The following FOXN1 variants were observed in gnomAD, a reference collection of about 807,000 sequenced individuals.
FOXN1 encodes forkhead box N1.
FOXN1 carries 15 observed loss-of-function variants against 49.0 expected under a neutral mutation model. That is an observed-to-expected ratio of 0.31 (90% CI 0.20 to 0.47). FOXN1 has a LOEUF of 0.47. Among genes scored for constraint, FOXN1 ranks in the 20% least tolerant of loss-of-function variants. The pLI is 1.00. For synonymous variants in FOXN1, 356 were observed against 369.0 expected, an observed-to-expected ratio of 0.96 and a Z score of 0.40; for missense variants, 800 against 842.8, an observed-to-expected ratio of 0.95 and a Z score of 0.63.
At chr17:28,517,018 T>C (rs1482109958) in intron 1 of FOXN1, among the ~76,000 whole-genome samples, 78 of 17,208 alleles carry the variant, frequency 4.5e-3, no homozygotes, top group African/African-American at 5.1e-3. Context: ...ATCCATACCA[T>C]CACAGGGTAC....
At chr17:28,533,488 C>CCA (rs1047111717) in intron 6 of FOXN1, among the ~76,000 whole-genome samples, 3 of 150,310 alleles carry the variant, frequency 2.0e-5, no homozygotes, top group East Asian at 3.9e-4. Context: ...CACGAGCACC[C>CCA]CCCCCCACTG....
In FOXN1 at chr17:28,537,500, A is replaced by T. The variant is rs2070101960; in HGVS notation, c.*64A>T. On this transcript the variant is annotated 3_prime_UTR_variant, in exon 9 of 9. Transcript: ENST00000579795. ...CTGGAAGTCCTGGCCGGCCGCCCACATCGGGCTCACCTTAAAGGTCAAGGA... is the reference window on the plus strand; with the variant it reads ...CTGGAAGTCCTGGCCGGCCGCCCACTTCGGGCTCACCTTAAAGGTCAAGGA... 1.5e-6 allele frequency: 2 copies of T among 1,309,776 alleles called. No homozygotes were observed. The allele number at this position is 1,309,776 out of a possible 1,614,324, so 81.1% of individuals were successfully genotyped here. A position where few individuals can be genotyped will look rare whatever the true frequency, so the allele number is the denominator to read the frequency against.
intron 3 of FOXN1, among the ~76,000 whole-genome samples, chr17:28,526,034 T>C (rs556271884): frequency 6.6e-6 from 1 of 152,248 alleles, no homozygotes; most frequent in East Asian, 1.9e-4. Flanking sequence ...ACCATACCCG[T>C]GTTGCAGATG....
intron 1 of FOXN1, among the ~76,000 whole-genome samples, chr17:28,513,026 T>C (rs574127131): frequency 6.6e-6 from 1 of 152,318 alleles, no homozygotes; most frequent in African/African-American, 2.4e-5. Flanking sequence ...TCTTGTTTCC[T>C]TGAAACCAAA....
chr17:28,527,820 A>C (rs1222070557), intron 4 of FOXN1, among the ~76,000 whole-genome samples: 14 of 152,208 alleles, frequency 9.2e-5, no homozygotes, highest in Admixed American at 9.2e-4. Context: ...GTGGGCACCC[A>C]GTGTGGGCTT....
intron 1 of FOXN1, among the ~76,000 whole-genome samples, chr17:28,507,463 G>A (rs1331682065): frequency 2.6e-5 from 4 of 152,192 alleles, no homozygotes; most frequent in African/African-American, 7.2e-5. Flanking sequence ...GGACCCGGGC[G>A]GAGGGGCTCA....
chr17:28,532,156 C>T (rs1026041061), intron 6 of FOXN1, among the ~76,000 whole-genome samples: 10 of 152,236 alleles, frequency 6.6e-5, no homozygotes, highest in African/African-American at 2.2e-4. Context: ...CCCACCAGCT[C>T]CCGGCCTGGC....
intron 5 of FOXN1, among the ~76,000 whole-genome samples, chr17:28,529,644 A>C (rs1419868192): frequency 6.6e-6 from 1 of 152,162 alleles, no homozygotes; most frequent in African/African-American, 2.4e-5. Flanking sequence ...TCGGCTATCC[A>C]CCATCTGCCA....
In FOXN1 at chr17:28,524,737, C is replaced by T. The variant is rs1478898905; in HGVS notation, c.358C>T (p.His120Tyr). 4 of 1,612,704 alleles carry T rather than the reference C, an allele frequency of 2.5e-6. No homozygotes were observed. The highest frequency in any genetic ancestry group is 1.3e-5 in the African/African-American group (1 of 74,900). Residue 120 changes from histidine to tyrosine, a missense_variant, in exon 3 of 9, where the codon CAC (histidine) becomes TAC (tyrosine). His to Tyr is a moderately conservative substitution (Grantham distance 83). Coordinates refer to ENST00000579795, the MANE Select transcript of FOXN1 (RefSeq NM_001369369.1). ...SSPGRFLKGS[H>Y]APFHPYKRPF... Reference sequence around the variant, plus strand: ...CCCTGGGCGATTCCTCAAGGGCAGCCACGCGCCCTTCCACCCGTACAAGCG... The same window carrying T: ...CCCTGGGCGATTCCTCAAGGGCAGCTACGCGCCCTTCCACCCGTACAAGCG...
chr17:28,521,747 C>T (rs1348525318), intron 1 of FOXN1, among the ~76,000 whole-genome samples: 1 of 152,234 alleles, frequency 6.6e-6, no homozygotes, highest in Non-Finnish European at 1.5e-5. Flanking sequence ...TGGGCAAATC[C>T]TATGGGACTT....
At position 28,524,236 on chromosome 17, in the gene FOXN1, C is replaced by T. The variant is rs192491466; in HGVS notation, c.123+144C>T. 118 of 877,658 alleles carry T rather than the reference C, an allele frequency of 1.3e-4. No homozygotes were observed. In the African/African-American group the frequency reaches 1.6e-3, roughly 12 times the overall value. 54.4% of individuals were successfully genotyped at this position (877,658 alleles called of 1,614,324 possible). The stretch of plus-strand genomic sequence containing the variant: ...CCAGCAAACAAGTCCTCAGGGACCC[C>T]GAGATCCAGAGGGGTCACTCCTCAT... On this transcript the variant is annotated intron_variant, in intron 2 of 8. Coordinates refer to ENST00000579795, the MANE Select transcript of FOXN1 (RefSeq NM_001369369.1).
chr17:28,536,052 C>T (rs909749884), intron 8 of FOXN1, among the ~76,000 whole-genome samples: 15 of 152,148 alleles, frequency 9.9e-5, no homozygotes, highest in Admixed American at 8.5e-4. Flanking sequence ...AATTCCAGTG[C>T]ATCCCAGGCC....
intron 4 of FOXN1, 68 bp downstream of exon 4, chr17:28,527,429 T>G: frequency 1.1e-6 from 1 of 875,496 alleles, no homozygotes; most frequent in Non-Finnish European, 1.9e-6. Context: ...ATGTGGTGTG[T>G]GGGTGTCTAT....
intron 3 of FOXN1, 23 bp downstream of exon 3, chr17:28,524,990 T>A: frequency 6.5e-7 from 1 of 1,543,920 alleles, no homozygotes; most frequent in Non-Finnish European, 8.9e-7. Context: ...GGCCAGCGAG[T>A]GTCCCATCTT....
Position 28,535,205 on chromosome 17 carries a change from TG to T in FOXN1, c.1627+12del. 1 of 1,612,356 alleles carries T rather than the reference TG, an allele frequency of 6.2e-7. No homozygotes were observed. ...ACTGACTTCGACTTCCAGGGTGAGC[TG>T]GGGGTGGGAAAGGGAAGGTGGGACA... On this transcript the variant is annotated splice_region_variant and intron_variant, in intron 8 of 8. Transcript: ENST00000579795.
chr17:28,535,131 G>A lies in FOXN1; in HGVS notation c.1560G>A (p.Leu520=). 1 of 1,610,128 alleles carries A rather than the reference G, an allele frequency of 6.2e-7. No individual in the cohort carries two copies. Among genetic ancestry groups the A allele is most frequent in the Admixed American group, 1.7e-5 (1 of 59,868 alleles). Residue 520 remains leucine, a synonymous_variant, in exon 8 of 9, where the codon CTG becomes CTA. Coordinates refer to ENST00000579795, the MANE Select transcript of FOXN1 (RefSeq NM_001369369.1). ...SPARTMHDTL[L]PDGDLGTDLD... ...CCAGGACTATGCACGACACCCTGCT[G>A]CCAGATGGAGACCTTGGCACTGACC... is the stretch of plus-strand genomic sequence containing the variant.
chr17:28,530,974 C>T (rs1182510495), intron 6 of FOXN1, 129 bp downstream of exon 6: 1 of 690,408 alleles, frequency 1.4e-6, no homozygotes, highest in Non-Finnish European at 2.7e-6. Flanking sequence ...CTTACCCCCA[C>T]CATGCTTTCC....
chr17:28,529,097 T>C lies in FOXN1; in HGVS notation c.703T>C (p.Ser235Pro), dbSNP rs1439497551. ...CSSQPPFHQYSPGGGSYPIPY... is the reference protein window; with the variant it reads ...CSSQPPFHQYPPGGGSYPIPY... Reference sequence around the variant, plus strand: ...CTGCCCCTTTTGACCTCCTCAGTACTCGCCAGGTGGTGGCAGCTACCCCAT... The same window carrying C: ...CTGCCCCTTTTGACCTCCTCAGTACCCGCCAGGTGGTGGCAGCTACCCCAT... The change falls in exon 5 of 9, where the codon TCG becomes CCG. Residue 235 changes from serine (S) to proline (P), a missense_variant. Transcript: ENST00000579795. 3 of 1,614,096 alleles carry C rather than the reference T, an allele frequency of 1.9e-6. No homozygotes were observed. The highest frequency in any genetic ancestry group is 2.5e-6 in the Non-Finnish European group (3 of 1,179,994).
chr17:28,527,352 C>T lies in FOXN1; in HGVS notation c.690C>T (p.Pro230=). The part of the protein sequence containing the change: ...LQHMYCSSQP[P]FHQYSPGGGS... ...ATATGTACTGCTCCTCCCAGCCCCC[C>T]TTCCACCAGGTGGGTCTGGGGCAAG... The change falls in exon 4 of 9, where the codon CCC becomes CCT. Residue 230 remains proline (P), a synonymous_variant. Coordinates refer to ENST00000579795, the MANE Select transcript of FOXN1 (RefSeq NM_001369369.1). The T allele has an allele frequency of 1.2e-6, 2 of 1,609,316 alleles. No homozygotes were observed. Among genetic ancestry groups the T allele is most frequent in the Non-Finnish European group, 1.7e-6 (2 of 1,176,152 alleles).
Sources: gnomAD v4.1 joint callset for allele counts (sites outside exome capture counted in the v4.1 genomes callset) on GRCh38, gnomAD v4.1.1 for gene constraint, MANE v1.5 for transcripts, NCBI Gene and HGNC (gene_info 2026-07-23, HGNC 2026-07-21) for gene names.